Variants in MCTP1 observed in about 807,000 individuals in gnomAD.
MCTP1 encodes the protein multiple C2 and transmembrane domain-containing protein 1.
A neutral mutation model predicts 120.6 loss-of-function variants in MCTP1; 69 were observed. That is an observed-to-expected ratio of 0.57 (90% confidence interval 0.47 to 0.70). MCTP1 has a LOEUF of 0.70. Among genes scored for constraint, MCTP1 ranks in the 30% least tolerant of loss-of-function variants. The pLI is 0.00. For missense variants in MCTP1, 1,203 were observed against 1,248.8 expected, an observed-to-expected ratio of 0.96 and a Z score of 0.55; for synonymous variants, 529 against 493.1, an observed-to-expected ratio of 1.07 and a Z score of -0.96.
At chr5:95,069,358 ATCAAACATAATAAAGTAAT>A (rs1243063504) in intron 1 of MCTP1, among the ~76,000 whole-genome samples, 2 of 152,242 alleles carry the variant, frequency 1.3e-5, no homozygotes, top group South Asian at 2.1e-4. Context: ...AGTTTATTGT[ATCAAACATAATAAAGTAAT>A]TCAAACATAA....
At chr5:94,737,214 T>A (rs1764474824) in intron 19 of MCTP1, among the ~76,000 whole-genome samples, 1 of 152,042 alleles carries the variant, frequency 6.6e-6, no homozygotes. Context: ...AGGTAGAATA[T>A]TTTTATCTCA....
At chr5:94,914,947 T>G (rs1302764869) in intron 8 of MCTP1, among the ~76,000 whole-genome samples, 1 of 152,216 alleles carries the variant, frequency 6.6e-6, no homozygotes, top group Non-Finnish European at 1.5e-5. Flanking sequence ...CCACTTCTGC[T>G]GCTGTTGAGA....
chr5:94,867,000 C>A (rs1311870930), intron 17 of MCTP1: 1 of 210,300 alleles, frequency 4.8e-6, no homozygotes, highest in Non-Finnish European at 9.4e-6. Context: ...ACGATCTTTA[C>A]AGGACAATTT....
At position 94,711,574 on chromosome 5, in the gene MCTP1, A is replaced by G. The variant is rs1275035483; in HGVS notation, c.2721-647T>C. Among the ~76,000 whole-genome samples, 6 of 152,140 alleles carry G rather than the reference A, an allele frequency of 3.9e-5. 1 individual carries two copies. The highest frequency in any genetic ancestry group is 4.4e-5 in the Non-Finnish European group (3 of 68,012). ...ATTAATAAAATCAGCATTGCTTACT[A>G]TTATCTCTCATGTACTCCTTGTGAA... On this transcript the variant is annotated intron_variant, in intron 20 of 22. Transcript: ENST00000515393.
chr5:95,054,418 G>A (rs1746817756), intron 1 of MCTP1, among the ~76,000 whole-genome samples: 1 of 152,218 alleles, frequency 6.6e-6, no homozygotes, highest in Non-Finnish European at 1.5e-5. Flanking sequence ...GCAAGGCATT[G>A]TATTAGGACC....
intron 1 of MCTP1, among the ~76,000 whole-genome samples, chr5:95,217,965 G>A (rs369781943): frequency 2.0e-5 from 3 of 152,176 alleles, no homozygotes; most frequent in East Asian, 3.8e-4. Flanking sequence ...CTCTGATCAT[G>A]CAGGAATTTC....
At chr5:95,266,428 C>A (rs961471374) in intron 1 of MCTP1, among the ~76,000 whole-genome samples, 1 of 152,160 alleles carries the variant, frequency 6.6e-6, no homozygotes, top group Non-Finnish European at 1.5e-5. Context: ...AATACCACAA[C>A]CTTTGTTAGT....
At chr5:94,855,525 T>C (rs1402996043) in intron 17 of MCTP1, among the ~76,000 whole-genome samples, 1 of 151,816 alleles carries the variant, frequency 6.6e-6, no homozygotes, top group East Asian at 1.9e-4. Flanking sequence ...TATCATTCTA[T>C]TAGATAAGCT....
chr5:94,752,738 GA>G (rs1768803852), intron 19 of MCTP1, among the ~76,000 whole-genome samples: 1 of 152,038 alleles, frequency 6.6e-6, no homozygotes, highest in African/African-American at 2.4e-5. Flanking sequence ...AACATCCAAG[GA>G]AACAAAATTC....
At chr5:95,039,677 T>C (rs1364773754) in intron 1 of MCTP1, among the ~76,000 whole-genome samples, 1 of 152,022 alleles carries the variant, frequency 6.6e-6, no homozygotes. Flanking sequence ...ATAAAATCTA[T>C]TGAATTAATA....
intron 5 of MCTP1, among the ~76,000 whole-genome samples, chr5:94,932,682 T>C (rs1228626632): frequency 6.6e-6 from 1 of 152,036 alleles, no homozygotes; most frequent in Non-Finnish European, 1.5e-5. Context: ...TTTTTTGTTT[T>C]CTCTCTTCAC....
intron 19 of MCTP1, among the ~76,000 whole-genome samples, chr5:94,749,960 T>A (rs1351490458): frequency 6.6e-6 from 1 of 152,154 alleles, no homozygotes; most frequent in Non-Finnish European, 1.5e-5. Flanking sequence ...CTAAAAGAAG[T>A]CTGACTCCAG....
At chr5:95,042,968 T>A (rs1581994894) in intron 1 of MCTP1, among the ~76,000 whole-genome samples, 2 of 152,222 alleles carry the variant, frequency 1.3e-5, no homozygotes, top group East Asian at 3.9e-4. Flanking sequence ...CTTATGTAGA[T>A]CTTGGTGTAC....
At chr5:95,209,069 T>C (rs1302026543) in intron 1 of MCTP1, among the ~76,000 whole-genome samples, 1 of 152,160 alleles carries the variant, frequency 6.6e-6, no homozygotes, top group Non-Finnish European at 1.5e-5. Flanking sequence ...ACCACAATTC[T>C]TGAGCTTGAT....
intron 1 of MCTP1, among the ~76,000 whole-genome samples, chr5:95,155,456 T>C (rs1247668692): frequency 6.6e-6 from 1 of 152,178 alleles, no homozygotes; most frequent in Non-Finnish European, 1.5e-5. Context: ...AGTATGTGTA[T>C]GATTGTTTTG....
Position 94,800,892 on chromosome 5 carries a change from C to T in MCTP1, c.2437-1760G>A, listed in dbSNP as rs540552607. On this transcript the variant is annotated intron_variant, in intron 17 of 22. Coordinates refer to ENST00000515393, the MANE Select transcript of MCTP1 (RefSeq NM_024717.7). Reference sequence around the variant, plus strand: ...ATATTGTAATACATGAAACATGAGCCATATCTTTTATTTTATGAGAAAAGT... The same window carrying T: ...ATATTGTAATACATGAAACATGAGCTATATCTTTTATTTTATGAGAAAAGT... Among the ~76,000 whole-genome samples the T allele has an allele frequency of 7.5e-4, 114 of 151,866 alleles. No homozygotes were observed. In the Middle Eastern group the frequency reaches 0.01, roughly 14 times the overall value.
chr5:94,786,835 A>T (rs1777824800), intron 18 of MCTP1, among the ~76,000 whole-genome samples: 1 of 152,224 alleles, frequency 6.6e-6, no homozygotes, highest in African/African-American at 2.4e-5. Context: ...ATTTAAATTC[A>T]TCAGTCCATT....
chr5:94,864,461 A>G (rs1796423252), intron 17 of MCTP1, among the ~76,000 whole-genome samples: 1 of 151,822 alleles, frequency 6.6e-6, no homozygotes, highest in South Asian at 2.1e-4. Context: ...CTTTTTGTGC[A>G]CTCTGACATT....
chr5:95,045,402 T>A (rs551285954), intron 1 of MCTP1, among the ~76,000 whole-genome samples: 1 of 152,342 alleles, frequency 6.6e-6, no homozygotes, highest in South Asian at 2.1e-4. Context: ...CCTGGTAACT[T>A]CTGCTTTTAG....
Sources: gnomAD v4.1 joint callset for allele counts (sites outside exome capture counted in the v4.1 genomes callset) on GRCh38, gnomAD v4.1.1 for gene constraint, MANE v1.5 for transcripts, NCBI Gene and HGNC (gene_info 2026-07-23, HGNC 2026-07-21) for gene names.